CPE: variants seen among roughly 807,000 people sequenced by gnomAD.
CPE encodes the protein carboxypeptidase E.
Under a neutral mutation model 53.5 loss-of-function variants are expected in CPE, and 17 were observed. The ratio of observed to expected loss-of-function variants is 0.32; its 90% CI spans 0.22 to 0.48. The LOEUF is 0.48. CPE is among the 20% of genes least tolerant of loss of function. The pLI is 0.99. For missense variants in CPE, 524 were observed against 614.7 expected (o/e 0.85, Z 1.56); for synonymous variants, 226 against 228.8 (o/e 0.99, Z 0.11).
At chr4:165,439,018 A>G (rs1731562334) in intron 1 of CPE, among the ~76,000 whole-genome samples, 1 of 152,158 alleles carries the variant, frequency 6.6e-6, no homozygotes, top group Admixed American at 6.5e-5. Flanking sequence ...AAGTGTTTCC[A>G]AAGGTGTCTG....
At chr4:165,471,412 A>G (rs1732204451) in intron 3 of CPE, among the ~76,000 whole-genome samples, 1 of 152,186 alleles carries the variant, frequency 6.6e-6, no homozygotes, top group African/African-American at 2.4e-5. Context: ...TGTTCTTGAA[A>G]CATAACTTTT....
intron 1 of CPE, among the ~76,000 whole-genome samples, chr4:165,428,507 A>G (rs1731358055): frequency 6.6e-6 from 1 of 152,376 alleles, no homozygotes; most frequent in South Asian, 2.1e-4. Flanking sequence ...ATATACATGT[A>G]TTACCCATGG....
intron 1 of CPE, among the ~76,000 whole-genome samples, chr4:165,437,995 AT>A (rs537251913): frequency 2.0e-5 from 3 of 152,326 alleles, no homozygotes; most frequent in Admixed American, 2.0e-4. Flanking sequence ...GGCACTCAAC[AT>A]AAGTTGCCTA....
At chr4:165,472,120 A>G (rs1435929890) in intron 3 of CPE, among the ~76,000 whole-genome samples, 6 of 152,244 alleles carry the variant, frequency 3.9e-5, no homozygotes, top group Admixed American at 1.3e-4. Flanking sequence ...AGGATCAGCA[A>G]TGTTTTAAGC....
chr4:165,379,680 G>A lies in CPE; in HGVS notation c.307+152G>A, dbSNP rs1006239962. ...AGGTGGAAGGTGGGAAGTGGAGGGAGGGATGGAAATGGGGAAGAACCCGAC... is the reference window on the plus strand; with the variant it reads ...AGGTGGAAGGTGGGAAGTGGAGGGAAGGATGGAAATGGGGAAGAACCCGAC... On this transcript the variant is annotated intron_variant, in intron 1 of 8. Coordinates refer to ENST00000402744, the MANE Select transcript of CPE (RefSeq NM_001873.4). The surrounding 1 kb of genome is among the most constrained non-coding windows in gnomAD (Gnocchi z 6.0). 8.4e-6 allele frequency: 7 copies of A among 838,084 alleles called. No individual in the cohort carries two copies. In the Admixed American group the frequency reaches 1.3e-4, roughly 15 times the overall value. 51.9% of individuals were successfully genotyped at this position (838,084 alleles called of 1,614,324 possible).
chr4:165,444,096 T>C (rs1268872382), intron 1 of CPE, among the ~76,000 whole-genome samples: 1 of 152,172 alleles, frequency 6.6e-6, no homozygotes, highest in Non-Finnish European at 1.5e-5. Flanking sequence ...TGTAACAGCC[T>C]GAATGGACCA....
chr4:165,443,803 C>G (rs893220645), intron 1 of CPE, among the ~76,000 whole-genome samples: 9 of 152,134 alleles, frequency 5.9e-5, no homozygotes, highest in Admixed American at 2.6e-4. Context: ...TGTTGAAAAC[C>G]TAATTGCCAA....
intron 1 of CPE, among the ~76,000 whole-genome samples, chr4:165,451,021 GCATGGT>G (rs1731798429): frequency 6.6e-6 from 1 of 152,190 alleles, no homozygotes; most frequent in African/African-American, 2.4e-5. Context: ...CTGCAGGATA[GCATGGT>G]CCACTGACAA....
At chr4:165,404,471 C>T (rs1356732463) in intron 1 of CPE, 2 of 777,256 alleles carry the variant, frequency 2.6e-6, no homozygotes, top group East Asian at 2.4e-5. Context: ...AGACTGGCGA[C>T]CTAGGAAGCC....
At chr4:165,409,932 C>T (rs974001643) in intron 1 of CPE, among the ~76,000 whole-genome samples, 3 of 151,414 alleles carry the variant, frequency 2.0e-5, no homozygotes, top group African/African-American at 7.3e-5. Context: ...TTCAAAAACA[C>T]AAAAAACACA....
chr4:165,444,763 T>C (rs762757324), intron 1 of CPE, among the ~76,000 whole-genome samples: 8 of 152,202 alleles, frequency 5.3e-5, no homozygotes, highest in Non-Finnish European at 7.3e-5. Flanking sequence ...AGATTCATCT[T>C]GGGCTGTGGC....
rs796527765 is a variant in CPE, at chr4:165,453,354, T to TTCTC, written c.308-11022_308-11019dup. 4.7e-5 allele frequency among the ~76,000 whole-genome samples: 7 copies of TTCTC among 148,850 alleles called. 1 individual carries two copies. Among genetic ancestry groups the TTCTC allele is most frequent in the Admixed American group, 1.3e-4 (2 of 14,910 alleles). ...TTCTTTCCTTCCTTCCTTCCTTCCT[T>TTCTC]TCTCTCTCTCTCTCTCTTTCTTTCT... On this transcript the variant is annotated intron_variant, in intron 1 of 8. Coordinates refer to ENST00000402744, the MANE Select transcript of CPE (RefSeq NM_001873.4).
At chr4:165,495,450 A>G (rs112823453) in intron 7 of CPE, 109 bp from the exon 8 acceptor site, 14 of 656,200 alleles carry the variant, frequency 2.1e-5, no homozygotes, top group Middle Eastern at 2.7e-4. Flanking sequence ...TCGAGAATCA[A>G]AAAAGGTGAA....
intron 6 of CPE, among the ~76,000 whole-genome samples, chr4:165,490,604 T>C (rs1490723269): frequency 8.4e-6 from 1 of 119,318 alleles, no homozygotes; most frequent in Non-Finnish European, 1.6e-5. Context: ...CACTCCAGCC[T>C]GGGCGACAGA....
intron 1 of CPE, among the ~76,000 whole-genome samples, chr4:165,402,589 TC>T (rs924117521): frequency 6.6e-6 from 1 of 152,154 alleles, no homozygotes; most frequent in African/African-American, 2.4e-5. Flanking sequence ...CCCACCTTAC[TC>T]CCTTTCTCTC....
At chr4:165,390,312 G>A (rs1286345780) in intron 1 of CPE, among the ~76,000 whole-genome samples, 1 of 152,100 alleles carries the variant, frequency 6.6e-6, no homozygotes, top group East Asian at 1.9e-4. Context: ...GTTGCCTTCA[G>A]TCTACTCAGT....
At chr4:165,466,802 C>T (rs894864273) in intron 2 of CPE, among the ~76,000 whole-genome samples, 1 of 152,158 alleles carries the variant, frequency 6.6e-6, no homozygotes, top group Admixed American at 6.5e-5. Context: ...AGGCGTGAGC[C>T]ACTGCACCTG....
chr4:165,401,905 G>A (rs6811043), intron 1 of CPE, among the ~76,000 whole-genome samples: 20,614 of 152,116 alleles, frequency 0.14, 1,711 homozygotes, highest in African/African-American at 0.23. Flanking sequence ...GTTTAAAGTA[G>A]GGGTCGGGAG....
Position 165,484,533 on chromosome 4 carries a change from G to A in CPE, c.902G>A (p.Arg301His), listed in dbSNP as rs141250110. 3.2e-5 allele frequency: 52 copies of A among 1,613,954 alleles called. No homozygotes were observed. In the East Asian group the frequency reaches 4.9e-4, roughly 15 times the overall value. The change falls in exon 5 of 9, where the codon CGC becomes CAC. Residue 301 changes from arginine to histidine, a missense_variant. Arg to His is a conservative substitution (Grantham distance 29). Transcript: ENST00000402744. ...TCTGACCCCAATCGGCCACCATGTC[G>A]CAAGAATGATGATGACAGCAGCTTT... ...AMSDPNRPPC[R>H]KNDDDSSFVD... is the part of the protein sequence containing the mutation.
Sources: gnomAD v4.1 joint callset for allele counts (sites outside exome capture counted in the v4.1 genomes callset) on GRCh38, gnomAD v4.1.1 for gene constraint, Gnocchi (gnomAD v3.1) non-coding constraint, MANE v1.5 for transcripts, NCBI Gene and HGNC (gene_info 2026-07-23, HGNC 2026-07-21) for gene names.